ANKHD1: variants seen among roughly 807,000 people sequenced by gnomAD.
ANKHD1 encodes the protein ankyrin repeat and KH domain containing 1.
ANKHD1 carries 31 observed loss-of-function variants against 230.5 expected under a neutral mutation model. The observed-to-expected ratio is 0.13, with a 90% CI of 0.10 to 0.18. ANKHD1 has a LOEUF of 0.18. Ranked by LOEUF, ANKHD1 falls within the 10% of genes least tolerant of loss-of-function variation. ANKHD1 has a pLI of 1.00. For synonymous variants in ANKHD1, 1,074 were observed against 1,117.6 expected (o/e 0.96, Z 0.78); for missense variants, 2,256 against 3,071.3 (o/e 0.73, Z 6.27).
intron 25 of ANKHD1, among the ~76,000 whole-genome samples, chr5:140,525,705 TA>T (rs1561830987): frequency 6.6e-6 from 1 of 151,908 alleles, no homozygotes; most frequent in African/African-American, 2.4e-5. Flanking sequence ...CTGTCTCTAC[TA>T]AAAGTACAAA....
chr5:140,504,687 G>A, intron 15 of ANKHD1, 134 bp from the exon 16 acceptor site: 1 of 1,207,928 alleles, frequency 8.3e-7, no homozygotes, highest in South Asian at 1.7e-5. Context: ...ATGTAGGTCT[G>A]TCTGATTCCA....
rs1222187539 is a variant in ANKHD1, at chr5:140,507,915, C to T, written c.3682C>T (p.Leu1228Phe). 1 of 1,614,020 alleles carries T rather than the reference C, an allele frequency of 6.2e-7. No homozygotes were observed. ...AATAGAGACCAATCGGAACACGGCT[C>T]TCACCCTGGCCTGTTTCCAGGGCCG... ...AQIETNRNTALTLACFQGRAE... is the reference protein window; with the variant it reads ...AQIETNRNTAFTLACFQGRAE... The change falls in exon 20 of 34, where the codon CTC (leucine) becomes TTC (phenylalanine). Residue 1228 changes from leucine (L) to phenylalanine (F), a missense_variant. Coordinates refer to ENST00000360839, the MANE Select transcript of ANKHD1 (RefSeq NM_017747.3). This position sits in a 1 kb window ranked among gnomAD's most constrained non-coding sequence, Gnocchi z 4.1.
At chr5:140,468,435 G>A (rs936237034) in intron 10 of ANKHD1, among the ~76,000 whole-genome samples, 5 of 152,154 alleles carry the variant, frequency 3.3e-5, no homozygotes, top group African/African-American at 1.2e-4. Context: ...TGGAAACTAG[G>A]TAATTTAGAC....
intron 3 of ANKHD1, 135 bp downstream of exon 3, chr5:140,438,752 A>G: frequency 6.0e-6 from 7 of 1,163,318 alleles, no homozygotes; most frequent in Non-Finnish European, 8.1e-6. Flanking sequence ...TTAAGTGGAT[A>G]TATAAATGTA....
intron 1 of ANKHD1, among the ~76,000 whole-genome samples, chr5:140,428,528 C>T (rs926072608): frequency 3.9e-5 from 6 of 152,038 alleles, no homozygotes; most frequent in Non-Finnish European, 5.9e-5. Flanking sequence ...CGCAGGCACT[C>T]GGCAGGCTGA....
chr5:140,449,200 C>G lies in ANKHD1; in HGVS notation c.1148-11C>G, dbSNP rs763412950. 4.4e-6 allele frequency: 7 copies of G among 1,595,914 alleles called. No individual in the cohort carries two copies. The South Asian group carries it at 6.8e-5, about 15-fold the overall frequency. On this transcript the variant is annotated splice_polypyrimidine_tract_variant and intron_variant, in intron 6 of 33. Coordinates refer to ENST00000360839, the MANE Select transcript of ANKHD1 (RefSeq NM_017747.3). Reference sequence around the variant, plus strand: ...GTGAATTCTTTTAAAATTTTTGTTCCTTTTTTCAAGGCCATTTGGATATGG... The same window carrying G: ...GTGAATTCTTTTAAAATTTTTGTTCGTTTTTTCAAGGCCATTTGGATATGG...
chr5:140,472,177 T>C (rs1776538104), intron 10 of ANKHD1: 2 of 1,478,542 alleles, frequency 1.4e-6, no homozygotes, highest in African/African-American at 2.8e-5. Flanking sequence ...AAGGTCTTCA[T>C]GGCCAAATGT....
In ANKHD1 at chr5:140,461,927, T is replaced by TA. The variant is rs202095902; in HGVS notation, c.1672+2576dup. 7.1e-4 allele frequency among the ~76,000 whole-genome samples: 108 copies of TA among 152,292 alleles called. No homozygotes were observed. In the East Asian group the frequency reaches 0.017, roughly 24 times the overall value. On this transcript the variant is annotated intron_variant, in intron 9 of 33. Transcript: ENST00000360839. ...TGAATTAAGATTGAAATAAGATTCATAAAATCACTATTAATCAATGTCTCT... is the reference window on the plus strand; with the variant it reads ...TGAATTAAGATTGAAATAAGATTCATAAAAATCACTATTAATCAATGTCTCT...
At chr5:140,491,813 A>G (rs1280364681) in intron 14 of ANKHD1, among the ~76,000 whole-genome samples, 3 of 152,164 alleles carry the variant, frequency 2.0e-5, no homozygotes, top group East Asian at 3.8e-4. Context: ...TTATCTTTAT[A>G]TGGTCTACTA....
chr5:140,407,991 AC>A (rs1477051451), intron 1 of ANKHD1, among the ~76,000 whole-genome samples: 2 of 152,174 alleles, frequency 1.3e-5, no homozygotes, highest in Non-Finnish European at 2.9e-5. Context: ...AGCCTGGCCA[AC>A]ATGGTGAAAG....
At chr5:140,450,734 C>T (rs1333921343) in intron 7 of ANKHD1, among the ~76,000 whole-genome samples, 3 of 152,070 alleles carry the variant, frequency 2.0e-5, no homozygotes, top group Non-Finnish European at 2.9e-5. Flanking sequence ...GAGACAGCAT[C>T]TCACTATGTT....
chr5:140,491,091 TG>T (rs1751754157), intron 14 of ANKHD1, among the ~76,000 whole-genome samples: 1 of 97,030 alleles, frequency 1.0e-5, no homozygotes, highest in Non-Finnish European at 2.3e-5. Context: ...TGTGTGTGTG[TG>T]TATATATATA....
chr5:140,444,009 T>C (rs1329405965), intron 5 of ANKHD1, among the ~76,000 whole-genome samples: 1 of 151,928 alleles, frequency 6.6e-6, no homozygotes, highest in Non-Finnish European at 1.5e-5. Flanking sequence ...CACCATGTTG[T>C]TCTCAGTACC....
intron 1 of ANKHD1, among the ~76,000 whole-genome samples, chr5:140,420,941 A>C (rs1475116083): frequency 6.6e-6 from 1 of 152,212 alleles, no homozygotes; most frequent in Non-Finnish European, 1.5e-5. Context: ...TCCCACTTCC[A>C]TAACATTCTA....
intron 29 of ANKHD1, among the ~76,000 whole-genome samples, chr5:140,533,794 A>C (rs1035231157): frequency 6.6e-6 from 1 of 151,232 alleles, no homozygotes; most frequent in Non-Finnish European, 1.5e-5. Flanking sequence ...AAAAAAAAAA[A>C]AAAAACAAGA....
chr5:140,532,432 A>ATTTCTT (rs1753875168), intron 29 of ANKHD1, among the ~76,000 whole-genome samples: 1 of 151,808 alleles, frequency 6.6e-6, no homozygotes, highest in Non-Finnish European at 1.5e-5. Flanking sequence ...GGGGTGCAGA[A>ATTTCTT]TTTCTTTTTC....
chr5:140,529,708 G>A lies in ANKHD1; in HGVS notation c.6762G>A (p.Val2254=). The A allele has an allele frequency of 6.2e-7, 1 of 1,614,174 alleles. No individual in the cohort carries two copies. The highest frequency in any genetic ancestry group is 8.5e-7 in the Non-Finnish European group (1 of 1,180,032). The change falls in exon 29 of 34, where the codon GTG becomes GTA. Residue 2254 remains valine (V), a synonymous_variant. Coordinates refer to ENST00000360839, the MANE Select transcript of ANKHD1 (RefSeq NM_017747.3). ...TVQSAFLGNS[V]LGHLENMHPD... ...AGTCAGCGTTCCTGGGTAACTCAGT[G>A]CTTGGACACTTGGAAAACATGCACC...
Position 140,402,147 on chromosome 5 carries a change from C to T in ANKHD1, c.180C>T (p.Gly60=). 6.5e-7 allele frequency: 1 copy of T among 1,537,546 alleles called. No homozygotes were observed. The highest frequency in any genetic ancestry group is 8.7e-7 in the Non-Finnish European group (1 of 1,147,146). Residue 60 remains glycine, a synonymous_variant, in exon 1 of 34, where the codon GGC becomes GGT. Transcript: ENST00000360839. ...CAGCGTCGGGAGTCGGCAGCAGCGG[C>T]GGCGGCGGCAGCGGCAGCGGTACGG... The part of the protein sequence containing the change: ...AGPASGVGSS[G]GGGSGSGTGG...
chr5:140,512,786 C>T, intron 22 of ANKHD1, 42 bp from the exon 23 acceptor site: 1 of 1,500,452 alleles, frequency 6.7e-7, no homozygotes, highest in Non-Finnish European at 8.9e-7. Context: ...AATAATTTTT[C>T]TTTTCATGCT....
Sources: gnomAD v4.1 joint callset for allele counts (sites outside exome capture counted in the v4.1 genomes callset) on GRCh38, gnomAD v4.1.1 for gene constraint, Gnocchi (gnomAD v3.1) non-coding constraint, MANE v1.5 for transcripts, NCBI Gene and HGNC (gene_info 2026-07-23, HGNC 2026-07-21) for gene names.